UTRN: variants seen among roughly 807,000 people sequenced by gnomAD.
UTRN encodes utrophin.
A neutral mutation model predicts 463.9 loss-of-function variants in UTRN; 283 were observed. The ratio of observed to expected loss-of-function variants is 0.61; its 90% CI spans 0.55 to 0.67. UTRN has a LOEUF of 0.67. Among genes scored for constraint, UTRN ranks in the 30% least tolerant of loss-of-function variants. The pLI, the probability that UTRN is intolerant of heterozygous loss-of-function variation, is 0.00. For missense variants in UTRN, 3,922 were observed against 4,084.3 expected (o/e 0.96, Z 1.08); for synonymous variants, 1,442 against 1,431.5 (o/e 1.01, Z -0.17).
At chr6:144,617,027 T>A (rs1342945120) in intron 51 of UTRN, among the ~76,000 whole-genome samples, 1 of 152,172 alleles carries the variant, frequency 6.6e-6, no homozygotes, top group Non-Finnish European at 1.5e-5. Context: ...CCTGCATTAT[T>A]GATTTTCAAG....
At position 144,285,340 on chromosome 6, in the gene UTRN, T is replaced by C. The variant is rs922275641; in HGVS notation, c.-574T>C. The stretch of plus-strand genomic sequence containing the variant: ...GCGCACAAAGTTGTGGAGTCGTTTT[T>C]CCTCGGAGCAGGGAAGCGGGCAGCA... On this transcript the variant is annotated 5_prime_UTR_variant, in exon 1 of 75. Coordinates refer to ENST00000367545, the MANE Select transcript of UTRN (RefSeq NM_007124.3). Among the ~76,000 whole-genome samples the C allele has an allele frequency of 6.6e-6, 1 of 152,202 alleles. No homozygotes were observed. Among genetic ancestry groups the C allele is most frequent in the Non-Finnish European group, 1.5e-5 (1 of 68,036 alleles).
At chr6:144,562,387 T>G (rs978968352) in intron 50 of UTRN, among the ~76,000 whole-genome samples, 29 of 152,020 alleles carry the variant, frequency 1.9e-4, no homozygotes, top group Non-Finnish European at 4.1e-4. Flanking sequence ...CCCCAGTGTG[T>G]TGTTCCCCTC....
chr6:144,827,925 A>G (rs989362541), intron 68 of UTRN, among the ~76,000 whole-genome samples: 9 of 152,308 alleles, frequency 5.9e-5, no homozygotes, highest in Middle Eastern at 3.4e-3. Flanking sequence ...GAGAATCCAA[A>G]CACTGTACAA....
chr6:144,434,330 G>C (rs1282613001), intron 9 of UTRN, among the ~76,000 whole-genome samples: 1 of 149,022 alleles, frequency 6.7e-6, no homozygotes, highest in African/African-American at 2.5e-5. Context: ...GAGGGAGACC[G>C]TGGAAAGAGG....
At chr6:144,729,483 T>C (rs1479425470) in intron 53 of UTRN, among the ~76,000 whole-genome samples, 1 of 152,180 alleles carries the variant, frequency 6.6e-6, no homozygotes, top group Non-Finnish European at 1.5e-5. Context: ...CTTTTCATAA[T>C]AGGTTGCCAG....
intron 2 of UTRN, chr6:144,331,060 C>G: frequency 1.0e-6 from 1 of 980,646 alleles, no homozygotes; most frequent in Non-Finnish European, 1.2e-6. Flanking sequence ...ATTTTGTCCA[C>G]CTGTTCATTG....
At chr6:144,565,438 A>T (rs992834227) in intron 50 of UTRN, among the ~76,000 whole-genome samples, 1 of 152,138 alleles carries the variant, frequency 6.6e-6, no homozygotes, top group Admixed American at 6.6e-5. Flanking sequence ...ACTGGATGAG[A>T]TCACCAGGGA....
chr6:144,740,381 CAT>C (rs1170127598), intron 54 of UTRN, among the ~76,000 whole-genome samples: 1 of 152,168 alleles, frequency 6.6e-6, no homozygotes, highest in Non-Finnish European at 1.5e-5. Context: ...ATAATGGAAT[CAT>C]AAACAGTTCA....
intron 17 of UTRN, among the ~76,000 whole-genome samples, chr6:144,451,112 G>A (rs1028592514): frequency 3.3e-5 from 5 of 149,388 alleles, no homozygotes; most frequent in Admixed American, 1.3e-4. Context: ...ACTCCATCTC[G>A]AAACAACAAC....
At chr6:144,756,329 C>T (rs949859491) in intron 57 of UTRN, among the ~76,000 whole-genome samples, 10 of 152,118 alleles carry the variant, frequency 6.6e-5, no homozygotes, top group African/African-American at 2.2e-4. Context: ...CAATCACTCT[C>T]ATAGTGGAAA....
chr6:144,553,914 T>C (rs1376309325), intron 48 of UTRN, among the ~76,000 whole-genome samples: 2 of 94,732 alleles, frequency 2.1e-5, no homozygotes, highest in Non-Finnish European at 4.1e-5. Flanking sequence ...AGACTCTCTC[T>C]CAAAAAAAAA....
intron 18 of UTRN, among the ~76,000 whole-genome samples, chr6:144,453,201 C>A (rs1788501149): frequency 6.6e-6 from 1 of 152,102 alleles, no homozygotes; most frequent in African/African-American, 2.4e-5. Flanking sequence ...CGGCTCCCTG[C>A]AACCTCTGCC....
chr6:144,337,185 ACACACACAC>A (rs1487638136), intron 2 of UTRN, among the ~76,000 whole-genome samples: 20 of 129,558 alleles, frequency 1.5e-4, no homozygotes, highest in African/African-American at 6.9e-4. Flanking sequence ...ACAGACACAC[ACACACACAC>A]CACACACACA....
At chr6:144,779,740 G>A (rs544047122) in intron 60 of UTRN, among the ~76,000 whole-genome samples, 6 of 152,272 alleles carry the variant, frequency 3.9e-5, no homozygotes, top group South Asian at 2.1e-4. Context: ...CTGTTCAAGC[G>A]TCAACTGTAC....
chr6:144,695,314 T>G (rs1047175928), intron 52 of UTRN, among the ~76,000 whole-genome samples: 2 of 152,146 alleles, frequency 1.3e-5, no homozygotes, highest in African/African-American at 2.4e-5. Flanking sequence ...TTAAACGTTA[T>G]TTTTCATTCT....
intron 33 of UTRN, 137 bp from the exon 34 acceptor site, chr6:144,499,120 G>A: frequency 2.3e-6 from 2 of 874,354 alleles, no homozygotes; most frequent in South Asian, 2.4e-5. Context: ...GGATTCTAAG[G>A]TGCTAAGACA....
Position 144,488,761 on chromosome 6 carries a change from G to A in UTRN, c.4061G>A (p.Gly1354Glu). 6.2e-7 allele frequency: 1 copy of A among 1,613,080 alleles called. No individual in the cohort carries two copies. Among genetic ancestry groups the A allele is most frequent in the Non-Finnish European group, 8.5e-7 (1 of 1,179,380 alleles). The change falls in exon 30 of 75, where the codon GGG (glycine) becomes GAG (glutamate). Residue 1354 changes from glycine (G) to glutamate (E), a missense_variant. Physicochemically the swap from Gly to Glu is moderately conservative, Grantham distance 98 (BLOSUM62 -2). Around this residue, in one of 3 missense-constraint regions of UTRN, gnomAD observed 2,349 missense variants for 2,303.8 expected, o/e 1.02. Coordinates refer to ENST00000367545, the MANE Select transcript of UTRN (RefSeq NM_007124.3). ...QMLQVLQESL[G>E]ELDKQLTTYL... is the part of the protein sequence containing the mutation. ...CTTCAAGTCTTGCAAGAGAGCTTGG[G>A]GGAGCTGGACAAACAGCTCACCACA...
chr6:144,793,624 A>C (rs1562919234), intron 62 of UTRN, among the ~76,000 whole-genome samples: 3 of 152,246 alleles, frequency 2.0e-5, no homozygotes, highest in Non-Finnish European at 4.4e-5. Context: ...GGTTAACTAC[A>C]TGCTTCTTAA....
At chr6:144,585,111 G>A (rs1367067258) in intron 51 of UTRN, among the ~76,000 whole-genome samples, 1 of 152,068 alleles carries the variant, frequency 6.6e-6, no homozygotes, top group African/African-American at 2.4e-5. Context: ...CAGAAGTCAA[G>A]TATTGGAGAA....
Sources: allele counts gnomAD v4.1 joint callset (sites outside exome capture counted in the v4.1 genomes callset), GRCh38; gene constraint gnomAD v4.1.1; regional missense constraint gnomAD v4.1.1; transcripts MANE v1.5; gene names NCBI Gene and HGNC (gene_info 2026-07-23, HGNC 2026-07-21).